Variants in SLC25A17 observed in about 807,000 individuals in gnomAD.
SLC25A17 encodes the protein solute carrier family 25 member 17.
In SLC25A17, 26 loss-of-function variants were observed where a neutral mutation model predicts 38.5. The observed-to-expected ratio is 0.68, with a 90% CI of 0.50 to 0.94. The LOEUF is 0.94. SLC25A17 is among the 40% of genes least tolerant of loss of function. The probability of loss-of-function intolerance (pLI) is 0.00; values close to 1 mark genes in which losing one functional copy is unlikely to be tolerated. For missense variants in SLC25A17, 333 were observed against 372.7 expected (o/e 0.89, Z 0.88); for synonymous variants, 139 against 136.2 (o/e 1.02, Z -0.14).
chr22:40,806,790 A>T (rs9623240), intron 1 of SLC25A17, among the ~76,000 whole-genome samples: 487 of 152,154 alleles, frequency 3.2e-3, no homozygotes, highest in Admixed American at 7.5e-3. Flanking sequence ...TCTATTCTGG[A>T]TATTTACTCT....
At chr22:40,787,816 T>C (rs979316779) in intron 4 of SLC25A17, among the ~76,000 whole-genome samples, 1 of 152,052 alleles carries the variant, frequency 6.6e-6, no homozygotes, top group African/African-American at 2.4e-5. Flanking sequence ...CATACAAAAA[T>C]GAAGATGGTA....
Position 40,770,663 on chromosome 22 carries a change from G to T in SLC25A17, c.*171C>A. The stretch of plus-strand genomic sequence containing the variant: ...CCAACCAGCCAGCATGACAATTAAG[G>T]TGACAACAGGTCCAGTTGGCCATAC... On this transcript the variant is annotated 3_prime_UTR_variant, in exon 9 of 9. Coordinates refer to ENST00000435456, the MANE Select transcript of SLC25A17 (RefSeq NM_006358.4). The T allele has an allele frequency of 2.0e-6, 1 of 498,298 alleles. No homozygotes were observed. Among genetic ancestry groups the T allele is most frequent in the Non-Finnish European group, 3.3e-6 (1 of 307,652 alleles). 30.9% of individuals were successfully genotyped at this position (498,298 alleles called of 1,614,324 possible).
intron 1 of SLC25A17, among the ~76,000 whole-genome samples, chr22:40,816,079 G>A (rs1467332529): frequency 6.6e-6 from 1 of 151,914 alleles, no homozygotes; most frequent in Non-Finnish European, 1.5e-5. Flanking sequence ...CCAGCCACTC[G>A]GCGAGAGGCT....
intron 3 of SLC25A17, among the ~76,000 whole-genome samples, chr22:40,793,868 C>T (rs1010814762): frequency 1.3e-5 from 2 of 152,094 alleles, no homozygotes; most frequent in African/African-American, 4.8e-5. Flanking sequence ...GCCTCGGCCT[C>T]CCAAAGTGCT....
chr22:40,806,981 T>C (rs1293429257), intron 1 of SLC25A17, among the ~76,000 whole-genome samples: 1 of 152,162 alleles, frequency 6.6e-6, no homozygotes, highest in Non-Finnish European at 1.5e-5. Context: ...CTCTCCCAAG[T>C]AGCTATGACT....
At chr22:40,806,410 C>T (rs886339078) in intron 1 of SLC25A17, among the ~76,000 whole-genome samples, 3 of 151,984 alleles carry the variant, frequency 2.0e-5, no homozygotes, top group African/African-American at 4.8e-5. Context: ...CTAGAAATGT[C>T]GAATAAAATA....
chr22:40,812,424 T>C (rs1448891525), intron 1 of SLC25A17, among the ~76,000 whole-genome samples: 1 of 152,154 alleles, frequency 6.6e-6, no homozygotes, highest in Non-Finnish European at 1.5e-5. Flanking sequence ...TGCAATCTTA[T>C]GGGAATAATA....
chr22:40,780,717 T>C (rs908142714), intron 4 of SLC25A17, among the ~76,000 whole-genome samples: 7 of 152,236 alleles, frequency 4.6e-5, no homozygotes, highest in South Asian at 4.1e-4. Flanking sequence ...ACAGATACCG[T>C]AGAAAGGTAT....
rs868435840 is a variant in SLC25A17, at chr22:40,783,713, T to C, written c.335-4588A>G. On this transcript the variant is annotated intron_variant, in intron 4 of 8. Transcript: ENST00000435456. ...TACTATCTAAAATGGTACCTCTTTT[T>C]TTCTTTTTTGGAGATGGAGTCTCGC... is the stretch of plus-strand genomic sequence containing the variant. 1.7e-4 allele frequency among the ~76,000 whole-genome samples: 26 copies of C among 152,196 alleles called. 2 individuals are homozygous for C. In the South Asian group the frequency reaches 3.5e-3, roughly 21 times the overall value.
chr22:40,790,526 A>G (rs1186232117), intron 4 of SLC25A17, among the ~76,000 whole-genome samples: 3 of 152,110 alleles, frequency 2.0e-5, no homozygotes, highest in Non-Finnish European at 2.9e-5. Flanking sequence ...GGAAAAAAGT[A>G]AAAAATGAAA....
At chr22:40,779,157 A>T in intron 4 of SLC25A17, 32 bp from the exon 5 acceptor site, 1 of 1,614,110 alleles carries the variant, frequency 6.2e-7, no homozygotes, top group Non-Finnish European at 8.5e-7. Flanking sequence ...GAAAAAGGGA[A>T]GGCAAAATGT....
rs1268711783 is a variant in SLC25A17 at position 40,819,346 on chromosome 22, C to T, written c.-98G>A. On this transcript the variant is annotated 5_prime_UTR_variant, in exon 1 of 9. Transcript: ENST00000435456. Reference sequence around the variant, plus strand: ...ACCGGAGCTCAGGGTGTGAGAGTCGCAATCCCCGCCCTCTCAAACCCGCCC... The same window carrying T: ...ACCGGAGCTCAGGGTGTGAGAGTCGTAATCCCCGCCCTCTCAAACCCGCCC... 11 of 1,311,044 alleles carry T rather than the reference C, an allele frequency of 8.4e-6. No individual in the cohort carries two copies. The highest frequency in any genetic ancestry group is 1.1e-5 in the Non-Finnish European group (10 of 945,944). 81.2% of individuals were successfully genotyped at this position (1,311,044 alleles called of 1,614,324 possible). A position where few individuals can be genotyped will look rare whatever the true frequency, so the allele number is the denominator to read the frequency against.
At chr22:40,816,403 C>T (rs1288474811) in intron 1 of SLC25A17, among the ~76,000 whole-genome samples, 2 of 152,022 alleles carry the variant, frequency 1.3e-5, no homozygotes, top group African/African-American at 2.4e-5. Context: ...TTTATTGGAA[C>T]ACAGCTCTGT....
chr22:40,808,301 T>C (rs2057547973), intron 1 of SLC25A17, among the ~76,000 whole-genome samples: 1 of 152,212 alleles, frequency 6.6e-6, no homozygotes, highest in African/African-American at 2.4e-5. Flanking sequence ...AGTGACTTCC[T>C]ACACTATATT....
At chr22:40,815,786 T>C (rs989753588) in intron 1 of SLC25A17, among the ~76,000 whole-genome samples, 1 of 152,266 alleles carries the variant, frequency 6.6e-6, no homozygotes, top group Admixed American at 6.5e-5. Flanking sequence ...ACCTTTTTTT[T>C]CAGCTATTAT....
chr22:40,795,051 C>A (rs939801315), intron 2 of SLC25A17, among the ~76,000 whole-genome samples: 5 of 152,074 alleles, frequency 3.3e-5, no homozygotes, highest in African/African-American at 9.7e-5. Context: ...CCATACCCGG[C>A]CCGTGTATGT....
intron 7 of SLC25A17, among the ~76,000 whole-genome samples, chr22:40,775,186 A>G (rs1179650861): frequency 1.3e-5 from 2 of 152,164 alleles, no homozygotes; most frequent in African/African-American, 4.8e-5. Context: ...CCTCACCTAC[A>G]GTTTCCCTGC....
At chr22:40,792,794 T>C in intron 3 of SLC25A17, 118 bp from the exon 4 acceptor site, 1 of 931,670 alleles carries the variant, frequency 1.1e-6, no homozygotes, top group Non-Finnish European at 1.6e-6. Flanking sequence ...CCTACACGAA[T>C]ACAAGGGACT....
chr22:40,775,450 T>TTTG, intron 7 of SLC25A17, among the ~76,000 whole-genome samples: 1 of 47,874 alleles, frequency 2.1e-5, no homozygotes, highest in Non-Finnish European at 4.3e-5. Context: ...TTTTTTTTTT[T>TTTG]TTTTTTTTTT....
Sources: gnomAD v4.1 joint callset for allele counts (sites outside exome capture counted in the v4.1 genomes callset) on GRCh38, gnomAD v4.1.1 for gene constraint, MANE v1.5 for transcripts, NCBI Gene and HGNC (gene_info 2026-07-23, HGNC 2026-07-21) for gene names.